ABCB1: variants seen among roughly 807,000 people sequenced by gnomAD.
ABCB1 encodes the protein ATP-dependent translocase ABCB1.
ABCB1 carries 69 observed loss-of-function variants against 142.0 expected under a neutral mutation model. The ratio of observed to expected loss-of-function variants is 0.49; its 90% CI spans 0.40 to 0.59. ABCB1 has a LOEUF of 0.59. ABCB1 is among the 20% of genes least tolerant of loss of function. The probability of loss-of-function intolerance (pLI) is 0.00; values close to 1 mark genes in which losing one functional copy is unlikely to be tolerated. For synonymous variants in ABCB1, 532 were observed against 539.2 expected (o/e 0.99, Z 0.18); for missense variants, 1,326 against 1,554.7 (o/e 0.85, Z 2.47).
chr7:87,514,569 T>C (rs755449602), intron 25 of ABCB1, among the ~76,000 whole-genome samples: 2 of 152,140 alleles, frequency 1.3e-5, no homozygotes, highest in Non-Finnish European at 2.9e-5. Flanking sequence ...TCCCCAGTCA[T>C]AAAAATGCTC....
At chr7:87,533,454 A>AGATG (rs1408879834) in intron 20 of ABCB1, among the ~76,000 whole-genome samples, 2 of 152,222 alleles carry the variant, frequency 1.3e-5, no homozygotes, top group Non-Finnish European at 2.9e-5. Flanking sequence ...GATGGATCAA[A>AGATG]GATGGCAAAT....
chr7:87,638,345 TTGTGTGTGTGTGTG>T (rs71524692), intron 1 of ABCB1, among the ~76,000 whole-genome samples: 26 of 144,790 alleles, frequency 1.8e-4, no homozygotes, highest in Non-Finnish European at 3.7e-4. Context: ...AAGTATGTGT[TTGTGTGTGTGTGTG>T]TGTGTGTGTG....
chr7:87,634,379 T>C (rs1037491138), intron 1 of ABCB1, among the ~76,000 whole-genome samples: 4 of 150,754 alleles, frequency 2.7e-5, no homozygotes, highest in Admixed American at 1.3e-4. Flanking sequence ...CCTAGGACTT[T>C]GGGAGGCTGA....
intron 5 of ABCB1, 81 bp downstream of exon 5, chr7:87,570,091 T>C (rs1817975782): frequency 2.3e-6 from 3 of 1,293,312 alleles, no homozygotes; most frequent in Admixed American, 1.7e-5. Flanking sequence ...ATTTCTGTGA[T>C]GATAATGCAA....
intron 1 of ABCB1, among the ~76,000 whole-genome samples, chr7:87,659,681 C>T (rs1023841491): frequency 4.6e-5 from 7 of 152,016 alleles, no homozygotes; most frequent in East Asian, 1.9e-4. Flanking sequence ...GCACACAGTC[C>T]GGGGTATAAG....
intron 8 of ABCB1, among the ~76,000 whole-genome samples, chr7:87,558,245 T>C (rs1483286511): frequency 2.6e-5 from 4 of 152,322 alleles, no homozygotes; most frequent in East Asian, 3.9e-4. Context: ...TCCAGATCCA[T>C]AGCAAATTTA....
At chr7:87,518,415 A>T (rs1182290476) in intron 23 of ABCB1, among the ~76,000 whole-genome samples, 1 of 152,196 alleles carries the variant, frequency 6.6e-6, no homozygotes, top group Non-Finnish European at 1.5e-5. Flanking sequence ...TCAAAGCCCC[A>T]ATGCCAGTGA....
intron 1 of ABCB1, among the ~76,000 whole-genome samples, chr7:87,638,951 G>T (rs934650473): frequency 6.6e-6 from 1 of 152,074 alleles, no homozygotes. Flanking sequence ...AGGAGATCGA[G>T]ACTATCCTGG....
chr7:87,595,714 G>T, intron 3 of ABCB1, 52 bp downstream of exon 3: 2 of 1,344,544 alleles, frequency 1.5e-6, no homozygotes, highest in Non-Finnish European at 2.1e-6. Flanking sequence ...TCCATGTAAG[G>T]AGATGTCAAA....
At chr7:87,705,587 G>C (rs1404870285) in intron 1 of ABCB1, among the ~76,000 whole-genome samples, 1 of 152,140 alleles carries the variant, frequency 6.6e-6, no homozygotes, top group Non-Finnish European at 1.5e-5. Context: ...TGTGTCTTCA[G>C]TACTTTTGCA....
At chr7:87,590,584 G>A (rs1818960101) in intron 3 of ABCB1, among the ~76,000 whole-genome samples, 1 of 152,196 alleles carries the variant, frequency 6.6e-6, no homozygotes, top group Non-Finnish European at 1.5e-5. Flanking sequence ...TGGGGACAGT[G>A]CATTCCAGGC....
intron 1 of ABCB1, among the ~76,000 whole-genome samples, chr7:87,712,575 G>T (rs2130748976): frequency 6.6e-6 from 1 of 152,030 alleles, no homozygotes; most frequent in African/African-American, 2.4e-5. Context: ...TGTTAGTCTT[G>T]TTTCTTAGTT....
chr7:87,590,157 C>T (rs1563066205), intron 3 of ABCB1, among the ~76,000 whole-genome samples: 1 of 152,140 alleles, frequency 6.6e-6, no homozygotes, highest in Non-Finnish European at 1.5e-5. Flanking sequence ...CTAATAAGGT[C>T]AGGCTTGGTT....
intron 1 of ABCB1, among the ~76,000 whole-genome samples, chr7:87,696,393 T>G (rs573032118): frequency 6.6e-6 from 1 of 152,266 alleles, no homozygotes; most frequent in East Asian, 1.9e-4. Context: ...GGTTATAGAC[T>G]TTTACTAGCA....
chr7:87,643,883 T>C (rs928406495), intron 1 of ABCB1, among the ~76,000 whole-genome samples: 2 of 150,644 alleles, frequency 1.3e-5, no homozygotes, highest in Non-Finnish European at 3.0e-5. Context: ...TTTTTTTGTT[T>C]GTTTCCGCTC....
chr7:87,604,659 T>A (rs1819582391), upstream of ABCB1, among the ~76,000 whole-genome samples: 2 of 152,118 alleles, frequency 1.3e-5, no homozygotes, highest in South Asian at 4.1e-4. Context: ...GTCAATAGGA[T>A]CATTTTCAGA....
chr7:87,602,633 T>C (rs1476678907), upstream of ABCB1, among the ~76,000 whole-genome samples: 1 of 152,192 alleles, frequency 6.6e-6, no homozygotes, highest in Non-Finnish European at 1.5e-5. Flanking sequence ...TACAGTGCTA[T>C]ACTGTTATGT....
chr7:87,612,205 G>A (rs977174590), intron 1 of ABCB1, among the ~76,000 whole-genome samples: 1 of 152,156 alleles, frequency 6.6e-6, no homozygotes, highest in Non-Finnish European at 1.5e-5. Context: ...CTCCCATTCT[G>A]TAGGTTGTCT....
chr7:87,688,200 T>A (rs544445964), intron 1 of ABCB1, among the ~76,000 whole-genome samples: 30 of 152,238 alleles, frequency 2.0e-4, no homozygotes, highest in Non-Finnish European at 3.8e-4. Flanking sequence ...CGTATTCATG[T>A]AATTCTCGAA....
Sources: allele counts gnomAD v4.1 joint callset (sites outside exome capture counted in the v4.1 genomes callset), GRCh38; gene constraint gnomAD v4.1.1; transcripts MANE v1.5; gene names NCBI Gene and HGNC (gene_info 2026-07-23, HGNC 2026-07-21).